ATXN1: variants seen among roughly 807,000 people sequenced by gnomAD.
ATXN1 encodes the protein ataxin-1.
In ATXN1, 8 loss-of-function variants were observed where a neutral mutation model predicts 56.4. The observed-to-expected ratio is 0.14, with a 90% CI of 0.08 to 0.26. ATXN1 has a LOEUF of 0.26. Among genes scored for constraint, ATXN1 ranks in the 10% least tolerant of loss-of-function variants. The probability of loss-of-function intolerance (pLI) is 1.00; values close to 1 mark genes in which losing one functional copy is unlikely to be tolerated. For missense variants in ATXN1, 987 were observed against 1,106.5 expected (o/e 0.89, Z 1.53); for synonymous variants, 514 against 494.6 (o/e 1.04, Z -0.52).
chr6:16,489,559 A>G (rs1014970729), intron 5 of ATXN1, among the ~76,000 whole-genome samples: 1 of 152,190 alleles, frequency 6.6e-6, no homozygotes, highest in African/African-American at 2.4e-5. Flanking sequence ...ACTAGCTCTC[A>G]TAGCTTCTCA....
chr6:16,726,970 G>A (rs1484694967), intron 2 of ATXN1, among the ~76,000 whole-genome samples: 3 of 152,164 alleles, frequency 2.0e-5, no homozygotes, highest in African/African-American at 7.2e-5. Flanking sequence ...TTCTGGATCT[G>A]GGCCAGTATG....
At chr6:16,464,029 T>C (rs1443050737) in intron 6 of ATXN1, among the ~76,000 whole-genome samples, 1 of 152,042 alleles carries the variant, frequency 6.6e-6, no homozygotes, top group Non-Finnish European at 1.5e-5. Context: ...TCTTCACCCC[T>C]ATCCAGCAGG....
At chr6:16,309,236 A>T (rs894716530) in intron 7 of ATXN1, among the ~76,000 whole-genome samples, 2 of 148,398 alleles carry the variant, frequency 1.3e-5, no homozygotes, top group Admixed American at 1.4e-4. Flanking sequence ...TCTAAAAAAA[A>T]AAAAAATAAA....
chr6:16,471,271 G>A (rs1432643782), intron 6 of ATXN1, among the ~76,000 whole-genome samples: 2 of 151,914 alleles, frequency 1.3e-5, no homozygotes, highest in African/African-American at 2.4e-5. Flanking sequence ...GGTCTTCTGC[G>A]AAATAATTCC....
chr6:16,504,984 T>A (rs894556461), intron 5 of ATXN1, among the ~76,000 whole-genome samples: 2 of 141,296 alleles, frequency 1.4e-5, no homozygotes, highest in African/African-American at 5.4e-5. Context: ...CAATCAGCTC[T>A]CCTGTTTCCT....
In ATXN1 at chr6:16,328,479, G is replaced by C. The variant is rs1760901756; in HGVS notation, c.-160-9C>G. On this transcript the variant is annotated splice_polypyrimidine_tract_variant and intron_variant, in intron 6 of 7. Transcript: ENST00000436367. This position sits in a 1 kb window ranked among gnomAD's most constrained non-coding sequence, Gnocchi z 6.2. ...AACAGCAGCTCTGGATGCTGGGAAA[G>C]GGAAGAGGGCAGTGACAAAGGGAAA... is the stretch of plus-strand genomic sequence containing the variant. The C allele has an allele frequency of 1.6e-5, 19 of 1,224,120 alleles. No homozygotes were observed. Among genetic ancestry groups the C allele is most frequent in the Non-Finnish European group, 1.9e-5 (18 of 954,600 alleles). The allele number at this position is 1,224,120 out of a possible 1,614,324, so 75.8% of individuals were successfully genotyped here.
intron 6 of ATXN1, among the ~76,000 whole-genome samples, chr6:16,469,046 G>T (rs1434716900): frequency 6.6e-6 from 1 of 152,176 alleles, no homozygotes. Context: ...CTGGCCCTTG[G>T]CTGTCCAAAC....
intron 3 of ATXN1, among the ~76,000 whole-genome samples, chr6:16,612,231 T>C (rs1057046296): frequency 1.3e-5 from 2 of 152,122 alleles, no homozygotes; most frequent in African/African-American, 4.8e-5. Context: ...GATGACAAGA[T>C]AAGCCTGATT....
chr6:16,447,256 G>A (rs1332124514), intron 6 of ATXN1, among the ~76,000 whole-genome samples: 1 of 152,026 alleles, frequency 6.6e-6, no homozygotes, highest in Non-Finnish European at 1.5e-5. Flanking sequence ...ACAGGGTCTC[G>A]TTCTGTCACC....
chr6:16,684,580 A>G (rs1207471794), intron 2 of ATXN1, among the ~76,000 whole-genome samples: 1 of 152,168 alleles, frequency 6.6e-6, no homozygotes, highest in African/African-American at 2.4e-5. Context: ...TAAGGCTCAG[A>G]GAACTTCGGT....
intron 6 of ATXN1, among the ~76,000 whole-genome samples, chr6:16,443,390 T>G (rs2113601487): frequency 6.6e-6 from 1 of 152,246 alleles, no homozygotes; most frequent in East Asian, 1.9e-4. Flanking sequence ...TATTTTTATA[T>G]AATTATTGAA....
intron 2 of ATXN1, among the ~76,000 whole-genome samples, chr6:16,692,408 G>A (rs1362180596): frequency 6.6e-6 from 1 of 152,140 alleles, no homozygotes; most frequent in East Asian, 1.9e-4. Context: ...GTTCTCAGAT[G>A]ACTTGCTATG....
chr6:16,485,585 T>C (rs1760528044), intron 6 of ATXN1: 1 of 152,182 alleles, frequency 6.6e-6, no homozygotes, highest in Non-Finnish European at 1.5e-5. Flanking sequence ...ATCCTTAGCC[T>C]GGAGAATTTT....
At position 16,303,640 on chromosome 6, in the gene ATXN1, CA is replaced by C. The variant is rs1243316820; in HGVS notation, c.*2688del. 3 of 152,622 alleles carry C rather than the reference CA, an allele frequency of 2.0e-5. No homozygotes were observed. The highest frequency in any genetic ancestry group is 6.5e-5 in the Admixed American group (1 of 15,284). 9.5% of individuals were successfully genotyped at this position (152,622 alleles called of 1,614,324 possible). On this transcript the variant is annotated 3_prime_UTR_variant, in exon 8 of 8. Transcript: ENST00000436367. This position sits in a 1 kb window ranked among gnomAD's most constrained non-coding sequence, Gnocchi z 4.3. ...AATTCCTATACCTGAAATAGAACCA[CA>C]AAAATTATGATGATGTTCCTATTGC...
At chr6:16,347,310 G>A (rs1283014439) in intron 6 of ATXN1, among the ~76,000 whole-genome samples, 1 of 152,258 alleles carries the variant, frequency 6.6e-6, no homozygotes, top group Non-Finnish European at 1.5e-5. Flanking sequence ...AGTCTGGTGG[G>A]GCCTTGGAGA....
chr6:16,757,678 C>G (rs1288753773), intron 1 of ATXN1, among the ~76,000 whole-genome samples: 1 of 152,194 alleles, frequency 6.6e-6, no homozygotes, highest in African/African-American at 2.4e-5. Flanking sequence ...AAATTGTAAA[C>G]TGACTGGCAG....
At chr6:16,493,845 A>G (rs1441313117) in intron 5 of ATXN1, among the ~76,000 whole-genome samples, 1 of 152,300 alleles carries the variant, frequency 6.6e-6, no homozygotes, top group Admixed American at 6.5e-5. Flanking sequence ...CAGTCCCTCA[A>G]TGAAATGTTC....
At chr6:16,476,755 C>T (rs1386657258) in intron 6 of ATXN1, among the ~76,000 whole-genome samples, 2 of 152,198 alleles carry the variant, frequency 1.3e-5, no homozygotes, top group African/African-American at 2.4e-5. Context: ...AACAGCTACC[C>T]TTGGAGTTTT....
At chr6:16,404,028 C>T (rs2113540650) in intron 6 of ATXN1, among the ~76,000 whole-genome samples, 1 of 152,054 alleles carries the variant, frequency 6.6e-6, no homozygotes, top group Middle Eastern at 3.4e-3. Flanking sequence ...AAAGTTACTG[C>T]TTTGTGGGAT....
Sources: gnomAD v4.1 joint callset for allele counts (sites outside exome capture counted in the v4.1 genomes callset) on GRCh38, gnomAD v4.1.1 for gene constraint, Gnocchi (gnomAD v3.1) non-coding constraint, MANE v1.5 for transcripts, NCBI Gene and HGNC (gene_info 2026-07-23, HGNC 2026-07-21) for gene names.